The following THADA variants were observed in gnomAD, a reference collection of about 807,000 sequenced individuals.
THADA encodes the protein THADA armadillo repeat containing, also known as tRNA (32-2'-O)-methyltransferase regulator THADA.
THADA carries 213 observed loss-of-function variants against 219.8 expected under a neutral mutation model. That is an observed-to-expected ratio of 0.97 (90% CI 0.87 to 1.09). The LOEUF is 1.09. THADA is among the 50% of genes least tolerant of loss of function. The probability of loss-of-function intolerance (pLI) is 0.00; values close to 1 mark genes in which losing one functional copy is unlikely to be tolerated. For synonymous variants in THADA, 1,018 were observed against 828.9 expected (o/e 1.23, Z -3.92); for missense variants, 2,956 against 2,311.3 (o/e 1.28, Z -5.72).
chr2:43,309,661 G>T (rs1218572954), intron 31 of THADA, among the ~76,000 whole-genome samples: 1 of 152,088 alleles, frequency 6.6e-6, no homozygotes, highest in African/African-American at 2.4e-5. Flanking sequence ...CTGACAAAAG[G>T]CATCTATAAA....
At chr2:43,250,301 G>A (rs1339706715) in intron 36 of THADA, among the ~76,000 whole-genome samples, 3 of 152,172 alleles carry the variant, frequency 2.0e-5, no homozygotes, top group Non-Finnish European at 4.4e-5. Context: ...AAATAGCCAA[G>A]CACAAAAGGT....
At chr2:43,584,037 TAAAAAAA>T (rs536050936) in intron 7 of THADA, among the ~76,000 whole-genome samples, 86 of 65,606 alleles carry the variant, frequency 1.3e-3, no homozygotes, top group African/African-American at 2.2e-3. Flanking sequence ...TTGTCTCAAT[TAAAAAAA>T]AAAAAAAAAA....
intron 29 of THADA, among the ~76,000 whole-genome samples, chr2:43,361,858 C>T (rs1381791775): frequency 6.6e-6 from 1 of 152,186 alleles, no homozygotes; most frequent in Non-Finnish European, 1.5e-5. Flanking sequence ...AGTTGTACCA[C>T]TCAGTGTCTT....
chr2:43,572,235 C>T (rs986307794), intron 12 of THADA, among the ~76,000 whole-genome samples: 10 of 152,280 alleles, frequency 6.6e-5, no homozygotes, highest in Admixed American at 3.3e-4. Flanking sequence ...TGGAAACTCA[C>T]GTTTCCACTA....
chr2:43,325,000 G>C (rs1208292250), intron 30 of THADA, among the ~76,000 whole-genome samples: 1 of 152,212 alleles, frequency 6.6e-6, no homozygotes, highest in Non-Finnish European at 1.5e-5. Flanking sequence ...ACATACAGAA[G>C]ATGAAACGAA....
intron 11 of THADA, 42 bp from the exon 12 acceptor site, chr2:43,573,034 G>A: frequency 1.4e-6 from 2 of 1,479,166 alleles, no homozygotes; most frequent in East Asian, 2.4e-5. Flanking sequence ...ATTATGCAAT[G>A]ACTACTATAA....
intron 36 of THADA, among the ~76,000 whole-genome samples, chr2:43,238,118 C>CAAAAAAAAAAAAAAAAAAAAA (rs59802310): frequency 7.1e-5 from 2 of 28,282 alleles, no homozygotes; most frequent in African/African-American, 1.2e-4. Context: ...GATTCCATCT[C>CAAAAAAAAAAAAAAAAAAAAA]AAAAAAAAAA....
chr2:43,400,470 T>TATATATATATATATATAAAA (rs1273903312), intron 28 of THADA, among the ~76,000 whole-genome samples: 27 of 143,444 alleles, frequency 1.9e-4, no homozygotes, highest in Admixed American at 9.7e-4. Context: ...TATATATATA[T>TATATATATATATATATAAAA]ATATATAAAT....
intron 26 of THADA, among the ~76,000 whole-genome samples, chr2:43,475,404 C>A (rs1003956490): frequency 1.6e-5 from 2 of 126,400 alleles, no homozygotes; most frequent in African/African-American, 3.1e-5. Context: ...GCCTGGGCGA[C>A]AGAGCTAGGC....
rs149743130 is a variant in THADA, at chr2:43,418,772, G to C, written c.4058+9328C>G. Among the ~76,000 whole-genome samples the C allele has an allele frequency of 3.2e-3, 483 of 152,226 alleles. 2 individuals carry two copies. The highest frequency in any genetic ancestry group is 5.5e-3 in the Non-Finnish European group (375 of 68,014). On this transcript the variant is annotated intron_variant, in intron 28 of 37. Coordinates refer to ENST00000405975, the MANE Select transcript of THADA (RefSeq NM_022065.5). ...TGTTTGAGAGGCAGCGGGAGGAAGG[G>C]GGCCCTCCAAGGAGAGATAGAAATA... is the stretch of plus-strand genomic sequence containing the variant.
chr2:43,499,656 T>C (rs1688685796), intron 24 of THADA, among the ~76,000 whole-genome samples: 1 of 152,114 alleles, frequency 6.6e-6, no homozygotes, highest in Non-Finnish European at 1.5e-5. Context: ...GCATTATAGG[T>C]GTGAGCCAGC....
At chr2:43,238,855 G>A (rs1668333832) in intron 36 of THADA, among the ~76,000 whole-genome samples, 1 of 152,204 alleles carries the variant, frequency 6.6e-6, no homozygotes, top group Admixed American at 6.5e-5. Flanking sequence ...AGGGACATCA[G>A]GTGCTCAGTG....
chr2:43,320,438 A>C lies in THADA; in HGVS notation c.4438+8T>G, dbSNP rs377286692. On this transcript the variant is annotated splice_region_variant and intron_variant, in intron 31 of 37. Coordinates refer to ENST00000405975, the MANE Select transcript of THADA (RefSeq NM_022065.5). ...GATTCCAAAATACAGTATAACTATG[A>C]ATCATACCTGGCTGGTTGTCCTTTG... 6.2e-7 allele frequency: 1 copy of C among 1,605,592 alleles called. No individual in the cohort carries two copies. Among genetic ancestry groups the C allele is most frequent in the Non-Finnish European group, 8.5e-7 (1 of 1,174,408 alleles).
intron 20 of THADA, among the ~76,000 whole-genome samples, chr2:43,547,343 G>C (rs904051642): frequency 6.6e-6 from 1 of 152,102 alleles, no homozygotes; most frequent in Non-Finnish European, 1.5e-5. Flanking sequence ...ACAATTATCT[G>C]TCTTGGAGTT....
intron 25 of THADA, 44 bp downstream of exon 25, chr2:43,498,789 G>T (rs372210104): frequency 1.8e-5 from 29 of 1,595,908 alleles, no homozygotes; most frequent in Non-Finnish European, 2.5e-5. Flanking sequence ...AACCTACTCA[G>T]AAGCATAATT....
intron 24 of THADA, among the ~76,000 whole-genome samples, chr2:43,499,858 G>A (rs529872688): frequency 6.6e-6 from 1 of 151,986 alleles, no homozygotes; most frequent in African/African-American, 2.4e-5. Flanking sequence ...GAATGATTGT[G>A]GTAAGTGACG....
intron 28 of THADA, among the ~76,000 whole-genome samples, chr2:43,399,070 T>A (rs1482733105): frequency 1.3e-5 from 2 of 152,232 alleles, no homozygotes; most frequent in South Asian, 4.1e-4. Context: ...CATAACCATT[T>A]TGCTGAAACT....
chr2:43,462,541 C>A (rs1683757482), intron 26 of THADA, among the ~76,000 whole-genome samples: 1 of 151,994 alleles, frequency 6.6e-6, no homozygotes, highest in Non-Finnish European at 1.5e-5. Context: ...CATTCAGATT[C>A]CTAGAGAAAA....
chr2:43,573,013 A>C (rs779362782), intron 11 of THADA, 21 bp from the exon 12 acceptor site: 8 of 1,607,214 alleles, frequency 5.0e-6, no homozygotes, highest in Middle Eastern at 1.7e-4. Context: ...AATAACAAAG[A>C]CCATTACTGT....
Sources: gnomAD v4.1 joint callset for allele counts (sites outside exome capture counted in the v4.1 genomes callset) on GRCh38, gnomAD v4.1.1 for gene constraint, MANE v1.5 for transcripts, NCBI Gene and HGNC (gene_info 2026-07-23, HGNC 2026-07-21) for gene names.